Variants in LARGE1 observed in about 807,000 individuals in gnomAD.
LARGE1 encodes the protein LARGE xylosyl- and glucuronyltransferase 1, also known as xylosyl- and glucuronyltransferase LARGE1.
Under a neutral mutation model 87.6 loss-of-function variants are expected in LARGE1, and 43 were observed. The observed-to-expected ratio is 0.49, with a 90% CI of 0.38 to 0.63. The LOEUF is 0.63. Ranked by LOEUF, LARGE1 falls within the 30% of genes least tolerant of loss-of-function variation. The pLI is 0.00. For synonymous variants in LARGE1, 434 were observed against 394.6 expected, an observed-to-expected ratio of 1.10 and a Z score of -1.18; for missense variants, 802 against 1,000.2, an observed-to-expected ratio of 0.80 and a Z score of 2.67.
chr22:33,135,562 G>A, the LARGE1 span, among the ~76,000 whole-genome samples: 2 of 152,168 alleles, frequency 1.3e-5, no homozygotes, highest in Non-Finnish European at 2.9e-5. Context: ...GAAGCCGACC[G>A]GACACAGTGG....
chr22:33,092,887 G>T, the LARGE1 span, among the ~76,000 whole-genome samples: 1 of 152,076 alleles, frequency 6.6e-6, no homozygotes, highest in African/African-American at 2.4e-5. Context: ...TGGGCATTTG[G>T]GTTGATTTCA....
chr22:33,469,824 T>C (rs1341826642), intron 6 of LARGE1, among the ~76,000 whole-genome samples: 4 of 99,512 alleles, frequency 4.0e-5, no homozygotes, highest in East Asian at 3.7e-4. Flanking sequence ...TGAGACTCCA[T>C]CTTAAAAACA....
In LARGE1 at chr22:33,694,542, A is replaced by AT. The variant is rs138320515; in HGVS notation, c.107-43875dup. Among the ~76,000 whole-genome samples the AT allele has an allele frequency of 7.2e-3, 1,084 of 150,728 alleles. 11 individuals are homozygous for AT. Among genetic ancestry groups the AT allele is most frequent in the African/African-American group, 0.025 (1,021 of 41,140 alleles). On this transcript the variant is annotated intron_variant, in intron 2 of 14. Coordinates refer to ENST00000397394, the MANE Select transcript of LARGE1 (RefSeq NM_133642.5). The stretch of plus-strand genomic sequence containing the variant: ...TTTGTGTGGCAGAATCTGGTGGAAT[A>AT]TTTTTTTTTTCATCACAATATGTTA...
chr22:33,302,846 C>T (rs982000011), intron 12 of LARGE1, among the ~76,000 whole-genome samples: 1 of 152,214 alleles, frequency 6.6e-6, no homozygotes, highest in Non-Finnish European at 1.5e-5. Context: ...TGTTATTTTG[C>T]TTCTCTGGGC....
intron 7 of LARGE1, among the ~76,000 whole-genome samples, chr22:33,387,067 G>C (rs1234993403): frequency 6.8e-6 from 1 of 148,044 alleles, no homozygotes; most frequent in African/African-American, 2.5e-5. Context: ...TTGTGCCACT[G>C]TACTCCAGCC....
intron 1 of LARGE1, among the ~76,000 whole-genome samples, chr22:33,850,906 TAA>T (rs933832420): frequency 6.6e-6 from 1 of 150,946 alleles, no homozygotes; most frequent in Non-Finnish European, 1.5e-5. Flanking sequence ...TAACCGGTCT[TAA>T]AAAAAAAGAC....
At chr22:33,119,590 T>C in the LARGE1 span, among the ~76,000 whole-genome samples, 155 of 152,248 alleles carry the variant, frequency 1.0e-3, no homozygotes, top group South Asian at 2.1e-3. Flanking sequence ...CTAGAACAGT[T>C]TCTTTCCCAA....
chr22:33,277,987 G>A (rs1007556271), intron 13 of LARGE1, among the ~76,000 whole-genome samples: 2 of 152,172 alleles, frequency 1.3e-5, no homozygotes, highest in Non-Finnish European at 2.9e-5. Flanking sequence ...CCTTGAGGCA[G>A]AACCTGTGAG....
chr22:33,426,749 T>C (rs1198710331), intron 7 of LARGE1, among the ~76,000 whole-genome samples: 1 of 152,208 alleles, frequency 6.6e-6, no homozygotes, highest in Admixed American at 6.5e-5. Flanking sequence ...AGAGAAATTC[T>C]TCCTCCCTCC....
intron 1 of LARGE1, among the ~76,000 whole-genome samples, chr22:33,794,022 T>C (rs1017532016): frequency 6.6e-6 from 1 of 151,932 alleles, no homozygotes; most frequent in African/African-American, 2.4e-5. Context: ...AGTTTATTAA[T>C]GTTGAGGGGA....
intron 9 of LARGE1, among the ~76,000 whole-genome samples, chr22:33,338,366 G>A (rs1227062370): frequency 6.6e-6 from 1 of 152,028 alleles, no homozygotes; most frequent in Non-Finnish European, 1.5e-5. Context: ...AACACGCTTC[G>A]CTGTCCCTAC....
chr22:33,253,934 C>T (rs185888784), intron 11 of LARGE1, among the ~76,000 whole-genome samples: 225 of 144,160 alleles, frequency 1.6e-3, no homozygotes, highest in African/African-American at 5.4e-3. Flanking sequence ...AGTAAAAGAA[C>T]GCTAAATCTT....
At chr22:33,856,690 GT>G (rs1288425937) in intron 1 of LARGE1, 1 of 152,186 alleles carries the variant, frequency 6.6e-6, no homozygotes, top group African/African-American at 2.4e-5. Flanking sequence ...ACTTGGAAAG[GT>G]TTCTGTGAGG....
chr22:33,356,444 T>C (rs1048363751), intron 9 of LARGE1, among the ~76,000 whole-genome samples: 2 of 152,176 alleles, frequency 1.3e-5, no homozygotes, highest in African/African-American at 4.8e-5. Context: ...GGCAAGGTGT[T>C]TAACCTTTGT....
chr22:33,376,118 A>C (rs982566511), intron 9 of LARGE1, among the ~76,000 whole-genome samples: 3 of 152,218 alleles, frequency 2.0e-5, no homozygotes, highest in Non-Finnish European at 4.4e-5. Flanking sequence ...ATTTCCAAGA[A>C]ACACTCACTG....
intron 7 of LARGE1, among the ~76,000 whole-genome samples, chr22:33,398,998 T>C (rs1380183328): frequency 6.6e-6 from 1 of 152,214 alleles, no homozygotes; most frequent in Non-Finnish European, 1.5e-5. Flanking sequence ...AAATTTATTT[T>C]AAGTTCTGGG....
chr22:33,506,827 G>T (rs1470897859), intron 6 of LARGE1, among the ~76,000 whole-genome samples: 2 of 152,170 alleles, frequency 1.3e-5, no homozygotes, highest in African/African-American at 4.8e-5. Flanking sequence ...CTTGAACCCA[G>T]GAGGCGGAGG....
intron 1 of LARGE1, among the ~76,000 whole-genome samples, chr22:33,816,073 C>T (rs2086639130): frequency 6.6e-6 from 1 of 152,144 alleles, no homozygotes; most frequent in African/African-American, 2.4e-5. Context: ...TGTTCTGATG[C>T]CCACACTGTT....
chr22:33,537,309 C>T (rs1428083835), intron 6 of LARGE1, among the ~76,000 whole-genome samples: 1 of 152,226 alleles, frequency 6.6e-6, no homozygotes, highest in African/African-American at 2.4e-5. Flanking sequence ...ATTCGATTCC[C>T]TGCTGTTTCC....
Sources: gnomAD v4.1 joint callset for allele counts (sites outside exome capture counted in the v4.1 genomes callset) on GRCh38, gnomAD v4.1.1 for gene constraint, MANE v1.5 for transcripts, NCBI Gene and HGNC (gene_info 2026-07-23, HGNC 2026-07-21) for gene names.